Variants in ZNF384 observed in about 807,000 individuals in gnomAD.
ZNF384 encodes CAG repeat protein 1.
Under a neutral mutation model 65.0 loss-of-function variants are expected in ZNF384, and 20 were observed. That is an observed-to-expected ratio of 0.31 (90% CI 0.22 to 0.45). The LOEUF is 0.45. Ranked by LOEUF, ZNF384 falls within the 20% of genes least tolerant of loss-of-function variation. The probability of loss-of-function intolerance (pLI) is 1.00; values close to 1 mark genes in which losing one functional copy is unlikely to be tolerated. For synonymous variants in ZNF384, 310 were observed against 303.9 expected, an observed-to-expected ratio of 1.02 and a Z score of -0.21; for missense variants, 549 against 769.4, an observed-to-expected ratio of 0.71 and a Z score of 3.39.
intron 11 of ZNF384, 119 bp from the exon 12 acceptor site, chr12:6,668,234 G>T (rs1950262298): frequency 3.6e-6 from 4 of 1,097,132 alleles, no homozygotes; most frequent in Middle Eastern, 4.2e-4. Context: ...CTGGTTTTCT[G>T]GAGCCAAGAC....
At chr12:6,674,873 G>A (rs1251276516) in intron 7 of ZNF384, among the ~76,000 whole-genome samples, 1 of 152,226 alleles carries the variant, frequency 6.6e-6, no homozygotes, top group Non-Finnish European at 1.5e-5. Flanking sequence ...AGTGCTGATG[G>A]ACAAGCTCAT....
rs111258756 is a variant in ZNF384 at position 6,669,019 on chromosome 12, C to T, written c.1425+12G>A. The T allele has an allele frequency of 8.5e-5, 136 of 1,592,718 alleles. No homozygotes were observed. The African/African-American group carries it at 9.0e-4, about 11-fold the overall frequency. On this transcript the variant is annotated intron_variant, in intron 11 of 11. Transcript: ENST00000683879. ...GGACTATGAGGAAGGAGAGAAGAAA[C>T]GGAGCACTCACTGATGTGTATGCCC...
Position 6,678,491 on chromosome 12 carries a change from ATGT to A in ZNF384, c.353-34_353-32del. On this transcript the variant is annotated intron_variant, in intron 5 of 11. Coordinates refer to ENST00000683879, the MANE Select transcript of ZNF384 (RefSeq NM_001385745.1). The surrounding 1 kb of genome is among the most constrained non-coding windows in gnomAD (Gnocchi z 4.9). ...ATTGGGAGAAAAAGGAGATGGCGTC[ATGT>A]TGTTCAGTCCTGATCCTAATCCTAT... is the stretch of plus-strand genomic sequence containing the variant. The A allele has an allele frequency of 1.3e-6, 2 of 1,561,198 alleles. No homozygotes were observed. The highest frequency in any genetic ancestry group is 8.7e-7 in the Non-Finnish European group (1 of 1,148,620).
At chr12:6,682,621 CAG>C (rs1187643892) in intron 2 of ZNF384, among the ~76,000 whole-genome samples, 1 of 152,108 alleles carries the variant, frequency 6.6e-6, no homozygotes, top group South Asian at 2.1e-4. Flanking sequence ...GTCTGGGTAA[CAG>C]AGAGAAACCC....
intron 10 of ZNF384, among the ~76,000 whole-genome samples, chr12:6,669,910 A>T (rs1950841288): frequency 6.6e-6 from 1 of 151,962 alleles, no homozygotes. Context: ...TGACCCAGCG[A>T]GCCTCTGTCT....
Position 6,670,894 on chromosome 12 carries a change from G to C in ZNF384, c.1188-56C>G. 3 of 1,535,498 alleles carry C rather than the reference G, an allele frequency of 2.0e-6. No individual in the cohort carries two copies. In the Admixed American group the frequency reaches 5.1e-5, roughly 26 times the overall value. ...ATGTCAGCAAGACCATTTAGGAACT[G>C]GCTCAACAAATCTTCTCCAGGCCCA... On this transcript the variant is annotated intron_variant, in intron 9 of 11. Coordinates refer to ENST00000683879, the MANE Select transcript of ZNF384 (RefSeq NM_001385745.1).
intron 2 of ZNF384, among the ~76,000 whole-genome samples, chr12:6,687,787 G>A (rs1353039266): frequency 6.6e-6 from 1 of 152,110 alleles, no homozygotes; most frequent in Non-Finnish European, 1.5e-5. Flanking sequence ...AGCTCTGCTT[G>A]TTCCAGACAC....
At chr12:6,679,273 C>T (rs1954957245) in intron 3 of ZNF384, 90 bp from the exon 4 acceptor site, 3 of 1,327,518 alleles carry the variant, frequency 2.3e-6, no homozygotes, top group African/African-American at 1.5e-5. Context: ...GTCTGTCCTC[C>T]TTAGGGATCA....
At chr12:6,677,506 G>A (rs1467338712) in intron 6 of ZNF384, among the ~76,000 whole-genome samples, 1 of 152,222 alleles carries the variant, frequency 6.6e-6, no homozygotes, top group Non-Finnish European at 1.5e-5. Flanking sequence ...AGTATCACAT[G>A]CAAATACGCA....
intron 9 of ZNF384, chr12:6,671,313 G>A (rs1353095007): frequency 2.5e-5 from 4 of 157,144 alleles, no homozygotes; most frequent in Non-Finnish European, 4.2e-5. Context: ...GTGGAGAGTA[G>A]TAGTGATATT....
chr12:6,670,338 G>A (rs1168423055), intron 10 of ZNF384, among the ~76,000 whole-genome samples: 1 of 152,198 alleles, frequency 6.6e-6, no homozygotes, highest in African/African-American at 2.4e-5. Flanking sequence ...TGAGGTGGAA[G>A]GATCACTTGA....
intron 10 of ZNF384, among the ~76,000 whole-genome samples, chr12:6,669,923 AAC>A (rs1491540535): frequency 1.3e-5 from 2 of 151,066 alleles, no homozygotes; most frequent in African/African-American, 2.4e-5. Context: ...CTCTGTCTCA[AAC>A]ACGCACACGC....
At position 6,673,051 on chromosome 12, in the gene ZNF384, A is replaced by C. The variant is rs1278835136; in HGVS notation, c.1004+165T>G. On this transcript the variant is annotated intron_variant, in intron 8 of 11. Transcript: ENST00000683879. This position sits in a 1 kb window ranked among gnomAD's most constrained non-coding sequence, Gnocchi z 4.7. ...AGACCACAATTTTCAAGGCCCCCCA[A>C]ATAGCTAGGATATATAATTTCCACA... 7.3e-6 allele frequency: 5 copies of C among 686,418 alleles called. No individual in the cohort carries two copies. The highest frequency in any genetic ancestry group is 1.8e-5 in the African/African-American group (1 of 55,296). 42.5% of individuals were successfully genotyped at this position (686,418 alleles called of 1,614,324 possible).
rs149995647 is a variant in ZNF384 at position 6,670,509 on chromosome 12, GTTAT to G, written c.1266+247_1266+250del. Among the ~76,000 whole-genome samples the G allele has an allele frequency of 9.1e-3, 1,388 of 152,222 alleles. 14 individuals are homozygous for G. Among genetic ancestry groups the G allele is most frequent in the African/African-American group, 0.032 (1,316 of 41,540 alleles). ...TTGTTTTTGGAGGGTCTTGGAATAT[GTTAT>G]TTATGTTAACACACAATGGGTTTAT... On this transcript the variant is annotated intron_variant, in intron 10 of 11. Transcript: ENST00000683879.
chr12:6,669,368 C>G (rs1191856726), intron 10 of ZNF384, among the ~76,000 whole-genome samples, 179 bp from the exon 11 acceptor site: 1 of 152,136 alleles, frequency 6.6e-6, no homozygotes, highest in Non-Finnish European at 1.5e-5. Flanking sequence ...GGAAGCATAC[C>G]TCATGTAGCA....
chr12:6,671,537 A>C (rs1322499706), intron 9 of ZNF384: 1 of 152,282 alleles, frequency 6.6e-6, no homozygotes, highest in African/African-American at 2.4e-5. Context: ...TCTGGTATAA[A>C]ATCTCAAAAA....
Position 6,679,532 on chromosome 12 carries a change from A to T in ZNF384, c.-5-7T>A. The T allele has an allele frequency of 6.2e-7, 1 of 1,609,638 alleles. No individual in the cohort carries two copies. Among genetic ancestry groups the T allele is most frequent in the South Asian group, 1.1e-5 (1 of 90,910 alleles). On this transcript the variant is annotated splice_region_variant and splice_polypyrimidine_tract_variant and intron_variant, in intron 2 of 11. Coordinates refer to ENST00000683879, the MANE Select transcript of ZNF384 (RefSeq NM_001385745.1). ...TGAGATTCTTCCATTCTACCTGAAG[A>T]AAAAATGAGAGAACATGTCACACTC...
Position 6,678,490 on chromosome 12 carries a change from C to T in ZNF384, c.353-30G>A, listed in dbSNP as rs1404616386. 2 of 1,560,050 alleles carry T rather than the reference C, an allele frequency of 1.3e-6. No individual in the cohort carries two copies. Among genetic ancestry groups the T allele is most frequent in the African/African-American group, 2.7e-5 (2 of 73,944 alleles). ...GATTGGGAGAAAAAGGAGATGGCGT[C>T]ATGTTGTTCAGTCCTGATCCTAATC... On this transcript the variant is annotated intron_variant, in intron 5 of 11. Transcript: ENST00000683879. This position sits in a 1 kb window ranked among gnomAD's most constrained non-coding sequence, Gnocchi z 4.9.
At position 6,672,257 on chromosome 12, in the gene ZNF384, G is replaced by GC. The variant is rs1951773893; in HGVS notation, c.1187+92dup. ...TCTCCTCCAGCCAGGTCTCTCCCCCGCCCCCCGCATGCGGGTTGTTGTGTG... is the reference window on the plus strand; with the variant it reads ...TCTCCTCCAGCCAGGTCTCTCCCCCGCCCCCCCGCATGCGGGTTGTTGTGTG... On this transcript the variant is annotated intron_variant, in intron 9 of 11. Transcript: ENST00000683879. This position sits in a 1 kb window ranked among gnomAD's most constrained non-coding sequence, Gnocchi z 4.4. The GC allele has an allele frequency of 5.8e-6, 8 of 1,382,050 alleles. No homozygotes were observed. The highest frequency in any genetic ancestry group is 5.9e-6 in the Non-Finnish European group (6 of 1,024,494). The allele number at this position is 1,382,050 out of a possible 1,614,324, so 85.6% of individuals were successfully genotyped here.
Sources: allele counts gnomAD v4.1 joint callset (sites outside exome capture counted in the v4.1 genomes callset), GRCh38; gene constraint gnomAD v4.1.1; non-coding constraint Gnocchi (gnomAD v3.1); transcripts MANE v1.5; gene names NCBI Gene and HGNC (gene_info 2026-07-23, HGNC 2026-07-21).